XYLT1: variants seen among roughly 807,000 people sequenced by gnomAD.
XYLT1 encodes the protein xylosyltransferase 1.
Under a neutral mutation model 91.3 loss-of-function variants are expected in XYLT1, and 36 were observed. The ratio of observed to expected loss-of-function variants is 0.39; its 90% CI spans 0.30 to 0.52. The LOEUF (loss-of-function observed/expected upper bound fraction) is 0.52, where lower values mean the gene tolerates loss of function less well. XYLT1 is among the 20% of genes least tolerant of loss of function. The probability of loss-of-function intolerance (pLI) is 0.68; values close to 1 mark genes in which losing one functional copy is unlikely to be tolerated. For missense variants in XYLT1, 1,242 were observed against 1,284.5 expected, an observed-to-expected ratio of 0.97 and a Z score of 0.51; for synonymous variants, 588 against 532.0, an observed-to-expected ratio of 1.11 and a Z score of -1.45.
Position 17,207,339 on chromosome 16 carries a change from C to T in XYLT1, c.914-6685G>A, listed in dbSNP as rs180690838. Among the ~76,000 whole-genome samples, 222 of 152,238 alleles carry T rather than the reference C, an allele frequency of 1.5e-3. 1 individual carries two copies. Among genetic ancestry groups the T allele is most frequent in the African/African-American group, 4.9e-3 (204 of 41,542 alleles). ...CCTCCCATAGTGCTGGGATTACAGG[C>T]GTGAGCCACAGCGCCTAGCCCAGGT... On this transcript the variant is annotated intron_variant, in intron 3 of 11. Coordinates refer to ENST00000261381, the MANE Select transcript of XYLT1 (RefSeq NM_022166.4).
In XYLT1 at chr16:17,117,659, C is replaced by T. The variant is rs1280952588; in HGVS notation, c.2544G>A (p.Gln848=). 6.2e-7 allele frequency: 1 copy of T among 1,611,730 alleles called. No individual in the cohort carries two copies. The highest frequency in any genetic ancestry group is 8.5e-7 in the Non-Finnish European group (1 of 1,178,050). The change falls in exon 11 of 12, where the codon CAG becomes CAA. Residue 848 remains glutamine, a synonymous_variant. Coordinates refer to ENST00000261381, the MANE Select transcript of XYLT1 (RefSeq NM_022166.4). ...LVAPLTFSNR[Q]PIKPEEALKL... ...GGGAGTACTTACCAGGTTTGATGGG[C>T]TGCCTGTTCGAGAAGGTCAGAGGCG...
Position 17,127,762 on chromosome 16 carries a change from C to G in XYLT1, c.2127G>C (p.Val709=), listed in dbSNP as rs1597137187. 1 of 1,614,172 alleles carries G rather than the reference C, an allele frequency of 6.2e-7. No individual in the cohort carries two copies. ...AGGTCTCCAGAGTCTCTAGTTTGCT[C>G]ACAGCCAGATTGGTAGCATGATGCT... ...LIKHHATNLA[V]SKLETLETWV... is the part of the protein sequence containing the mutation. Residue 709 remains valine (V), a synonymous_variant, in exon 10 of 12, where the codon GTG becomes GTC. Transcript: ENST00000261381.
At chr16:17,299,501 T>C (rs1023210776) in intron 2 of XYLT1, among the ~76,000 whole-genome samples, 6 of 152,216 alleles carry the variant, frequency 3.9e-5, no homozygotes, top group African/African-American at 1.2e-4. Flanking sequence ...ATATTAATAG[T>C]GCAGCCAGCT....
At chr16:17,400,862 T>A (rs917807007) in intron 1 of XYLT1, among the ~76,000 whole-genome samples, 3 of 151,890 alleles carry the variant, frequency 2.0e-5, no homozygotes, top group Non-Finnish European at 4.4e-5. Context: ...AACCCTATAT[T>A]GGGAAAGTAG....
intron 3 of XYLT1, among the ~76,000 whole-genome samples, chr16:17,219,108 C>A (rs370094568): frequency 7.9e-5 from 12 of 151,852 alleles, no homozygotes; most frequent in Admixed American, 3.9e-4. Flanking sequence ...ATGGTAAAAC[C>A]CTGTATCTAC....
chr16:17,155,404 C>T (rs1047646977), intron 6 of XYLT1, among the ~76,000 whole-genome samples: 1 of 152,186 alleles, frequency 6.6e-6, no homozygotes, highest in Non-Finnish European at 1.5e-5. Context: ...CTGAAGTCAG[C>T]CCTAATGTTT....
chr16:17,327,100 G>C (rs1443572776), intron 2 of XYLT1, among the ~76,000 whole-genome samples: 3 of 152,192 alleles, frequency 2.0e-5, no homozygotes, highest in Non-Finnish European at 2.9e-5. Flanking sequence ...GGTGGGGAAT[G>C]ATGTGTTCAT....
At chr16:17,427,591 C>G (rs181124923) in intron 1 of XYLT1, among the ~76,000 whole-genome samples, 1 of 152,246 alleles carries the variant, frequency 6.6e-6, no homozygotes, top group East Asian at 1.9e-4. Flanking sequence ...GCTTCAAGTT[C>G]TGCTTTTCAA....
At chr16:17,289,747 T>C (rs2034194697) in intron 2 of XYLT1, among the ~76,000 whole-genome samples, 1 of 152,062 alleles carries the variant, frequency 6.6e-6, no homozygotes. Flanking sequence ...AAAAAAAAGT[T>C]TGCAAAAAAC....
At chr16:17,385,002 C>G (rs1442221862) in intron 1 of XYLT1, among the ~76,000 whole-genome samples, 1 of 151,746 alleles carries the variant, frequency 6.6e-6, no homozygotes, top group African/African-American at 2.4e-5. Flanking sequence ...TTCCCAGCAT[C>G]GGGCCTGGAG....
intron 3 of XYLT1, chr16:17,251,493 A>G (rs2033537659): frequency 1.3e-5 from 2 of 152,216 alleles, no homozygotes; most frequent in Non-Finnish European, 2.9e-5. Flanking sequence ...CAGGTCACTT[A>G]CAGCATCTAT....
chr16:17,203,384 A>G (rs975762155), intron 3 of XYLT1, among the ~76,000 whole-genome samples: 2 of 152,056 alleles, frequency 1.3e-5, no homozygotes, highest in Non-Finnish European at 2.9e-5. Flanking sequence ...TTATTCATCG[A>G]TCGAAATCCA....
intron 1 of XYLT1, among the ~76,000 whole-genome samples, chr16:17,467,209 A>G (rs970263383): frequency 1.3e-5 from 2 of 152,168 alleles, no homozygotes; most frequent in African/African-American, 4.8e-5. Flanking sequence ...CTTAAATGAA[A>G]CTTACTGAGT....
intron 2 of XYLT1, among the ~76,000 whole-genome samples, chr16:17,333,699 T>A (rs2034937252): frequency 6.6e-6 from 1 of 151,450 alleles, no homozygotes. Context: ...GCAATTCTCC[T>A]GCCCCGGCCT....
intron 1 of XYLT1, among the ~76,000 whole-genome samples, chr16:17,407,290 C>T (rs1021298984): frequency 1.4e-4 from 21 of 152,218 alleles, no homozygotes; most frequent in African/African-American, 5.1e-4. Context: ...GGAGCCACTG[C>T]GTCCAGCCTA....
chr16:17,209,795 G>A (rs1012469541), intron 3 of XYLT1, among the ~76,000 whole-genome samples: 2 of 152,228 alleles, frequency 1.3e-5, no homozygotes, highest in African/African-American at 2.4e-5. Flanking sequence ...GTGACTCCGC[G>A]GACCTCGCCC....
Position 17,276,566 on chromosome 16 carries a change from C to T in XYLT1, c.403-17068G>A, listed in dbSNP as rs527371687. On this transcript the variant is annotated intron_variant, in intron 2 of 11. Transcript: ENST00000261381. ...GGGTGGATATGCAAAAACCTCATCA[C>T]TACCAACTTTCGCGTGCACTGTCAT... Among the ~76,000 whole-genome samples, 7 of 152,364 alleles carry T rather than the reference C, an allele frequency of 4.6e-5. No homozygotes were observed. In the South Asian group the frequency reaches 1.2e-3, roughly 27 times the overall value.
intron 2 of XYLT1, among the ~76,000 whole-genome samples, chr16:17,288,810 C>T (rs1040249374): frequency 2.0e-5 from 3 of 152,166 alleles, no homozygotes; most frequent in Non-Finnish European, 4.4e-5. Context: ...CAACTGAGAT[C>T]AGGAGAACCA....
chr16:17,296,823 C>T (rs1408111301), intron 2 of XYLT1, among the ~76,000 whole-genome samples: 1 of 152,216 alleles, frequency 6.6e-6, no homozygotes, highest in Non-Finnish European at 1.5e-5. Context: ...AGGGGATGTT[C>T]TCCAGACTGA....
Sources: gnomAD v4.1 joint callset for allele counts (sites outside exome capture counted in the v4.1 genomes callset) on GRCh38, gnomAD v4.1.1 for gene constraint, MANE v1.5 for transcripts, NCBI Gene and HGNC (gene_info 2026-07-23, HGNC 2026-07-21) for gene names.